The following TP63 variants were observed in gnomAD, a reference collection of about 807,000 sequenced individuals.
The protein encoded by TP63 is tumor protein 63.
Under a neutral mutation model 82.8 loss-of-function variants are expected in TP63, and 17 were observed. The ratio of observed to expected loss-of-function variants is 0.21; its 90% CI spans 0.14 to 0.31. TP63 has a LOEUF of 0.31. TP63 is among the 10% of genes least tolerant of loss of function. TP63 has a pLI of 1.00. For synonymous variants in TP63, 330 were observed against 321.7 expected (o/e 1.03, Z -0.28); for missense variants, 648 against 895.3 (o/e 0.72, Z 3.52).
At chr3:189,634,261 C>A (rs1729630835) in intron 1 of TP63, among the ~76,000 whole-genome samples, 1 of 151,576 alleles carries the variant, frequency 6.6e-6, no homozygotes, top group African/African-American at 2.4e-5. Flanking sequence ...AGAAAGAAGT[C>A]ATGAAAGATA....
At chr3:189,613,645 A>T in the TP63 span, among the ~76,000 whole-genome samples, 2 of 152,176 alleles carry the variant, frequency 1.3e-5, no homozygotes, top group Admixed American at 6.5e-5. Context: ...CAGCTTGCAT[A>T]GTGCACCTGG....
intron 13 of TP63, 107 bp downstream of exon 13, chr3:189,890,989 A>G (rs1387694437): frequency 3.0e-6 from 3 of 1,010,400 alleles, no homozygotes; most frequent in Non-Finnish European, 3.0e-6. Context: ...TGTTTTTGTC[A>G]TGCCCCCAAT....
At chr3:189,629,035 C>A (rs547142160), upstream of TP63, among the ~76,000 whole-genome samples, 1 of 151,960 alleles carries the variant, frequency 6.6e-6, no homozygotes, top group Non-Finnish European at 1.5e-5. Context: ...TCATGACATA[C>A]GTTTAAATGA....
intron 4 of TP63, among the ~76,000 whole-genome samples, chr3:189,850,062 A>C (rs1479487283): frequency 6.6e-6 from 1 of 152,122 alleles, no homozygotes; most frequent in Non-Finnish European, 1.5e-5. Context: ...GGTGGATCAC[A>C]CTTGAGGTCA....
chr3:189,885,158 TTA>T (rs1439996136), intron 10 of TP63, among the ~76,000 whole-genome samples: 9 of 152,206 alleles, frequency 5.9e-5, no homozygotes, highest in Non-Finnish European at 5.9e-5. Context: ...TTGAGAATTG[TTA>T]AAGGGGAGTT....
At chr3:189,668,958 CAAAG>C (rs1321805741) in intron 1 of TP63, among the ~76,000 whole-genome samples, 2 of 150,802 alleles carry the variant, frequency 1.3e-5, no homozygotes, top group African/African-American at 4.9e-5. Flanking sequence ...CAGAAAAATA[CAAAG>C]AAAGTCACAC....
Position 189,639,802 on chromosome 3 carries a change from T to C in TP63, c.62+8225T>C, listed in dbSNP as rs999742370. On this transcript the variant is annotated intron_variant, in intron 1 of 13. Transcript: ENST00000264731. ...GGTGTTTAATCTTTTTAAACAGATG[T>C]TGATTTATCATGGGAATAAATAATA... 5.3e-5 allele frequency among the ~76,000 whole-genome samples: 8 copies of C among 152,146 alleles called. No homozygotes were observed. In the East Asian group the frequency reaches 1.5e-3, roughly 29 times the overall value.
chr3:189,644,954 C>T (rs1049944706), intron 1 of TP63, among the ~76,000 whole-genome samples: 1 of 151,054 alleles, frequency 6.6e-6, no homozygotes, highest in African/African-American at 2.4e-5. Context: ...TTATATTGGA[C>T]CCTACCTTTT....
chr3:189,599,967 C>T, the TP63 span, among the ~76,000 whole-genome samples: 1 of 152,016 alleles, frequency 6.6e-6, no homozygotes, highest in South Asian at 2.1e-4. Context: ...ATTATTGTTG[C>T]TGTTACAAGA....
intron 1 of TP63, among the ~76,000 whole-genome samples, chr3:189,698,247 C>T (rs1304926786): frequency 3.3e-5 from 5 of 151,984 alleles, no homozygotes; most frequent in Admixed American, 1.3e-4. Flanking sequence ...AAATGGATAT[C>T]GGATGTTGTC....
chr3:189,761,428 C>T (rs889499003), intron 3 of TP63, among the ~76,000 whole-genome samples: 1 of 152,168 alleles, frequency 6.6e-6, no homozygotes, highest in Non-Finnish European at 1.5e-5. Context: ...GGCAAAATGC[C>T]ACCAGTAACT....
At chr3:189,597,384 C>A in the TP63 span, among the ~76,000 whole-genome samples, 1 of 150,830 alleles carries the variant, frequency 6.6e-6, no homozygotes, top group African/African-American at 2.4e-5. Context: ...AGTCCAAAAC[C>A]AGTACCTGAC....
chr3:189,864,192 T>C (rs1413140739), intron 4 of TP63, 40 bp from the exon 5 acceptor site: 1 of 1,611,782 alleles, frequency 6.2e-7, no homozygotes. Flanking sequence ...CTCCTGTTGG[T>C]TCTCTCCTTC....
At chr3:189,775,751 A>G (rs1481685630) in intron 3 of TP63, among the ~76,000 whole-genome samples, 1 of 152,172 alleles carries the variant, frequency 6.6e-6, no homozygotes, top group Non-Finnish European at 1.5e-5. Context: ...ACCTTTTACT[A>G]TTACCTTAGT....
chr3:189,686,467 C>A (rs1444899567), intron 1 of TP63, among the ~76,000 whole-genome samples: 2 of 151,864 alleles, frequency 1.3e-5, no homozygotes, highest in African/African-American at 4.8e-5. Flanking sequence ...GATCATGGAC[C>A]CTCATATCTT....
intron 1 of TP63, among the ~76,000 whole-genome samples, chr3:189,669,550 G>A (rs1920279): frequency 0.039 from 5,862 of 152,040 alleles, 144 homozygotes; most frequent in Middle Eastern, 0.054. Flanking sequence ...TAATCACACT[G>A]TAAAGTGGGT....
chr3:189,609,261 T>C, the TP63 span, among the ~76,000 whole-genome samples: 1 of 152,216 alleles, frequency 6.6e-6, no homozygotes, highest in Admixed American at 6.5e-5. Flanking sequence ...GTTTATCTGA[T>C]TGAATGCTTT....
intron 1 of TP63, among the ~76,000 whole-genome samples, chr3:189,641,918 C>T (rs1191746568): frequency 6.6e-6 from 1 of 152,056 alleles, no homozygotes; most frequent in East Asian, 1.9e-4. Flanking sequence ...GCTAACTTAA[C>T]CAAGGGTGAC....
At chr3:189,798,797 G>C (rs74324616) in intron 3 of TP63, among the ~76,000 whole-genome samples, 2,369 of 152,186 alleles carry the variant, frequency 0.016, 104 homozygotes, top group East Asian at 0.12. Flanking sequence ...AGGACAAATA[G>C]AATAAAATGA....
Sources: gnomAD v4.1 joint callset for allele counts (sites outside exome capture counted in the v4.1 genomes callset) on GRCh38, gnomAD v4.1.1 for gene constraint, MANE v1.5 for transcripts, NCBI Gene and HGNC (gene_info 2026-07-23, HGNC 2026-07-21) for gene names.